The following PCMTD1 variants were observed in gnomAD, a reference collection of about 807,000 sequenced individuals.
The protein encoded by PCMTD1 is protein-L-isoaspartate (D-aspartate) O-methyltransferase domain containing 1, also known as protein-L-isoaspartate O-methyltransferase domain-containing protein 1.
In PCMTD1, 12 loss-of-function variants were observed where a neutral mutation model predicts 37.6. The observed-to-expected ratio is 0.32, with a 90% CI of 0.20 to 0.52. The LOEUF is 0.52. Ranked by LOEUF, PCMTD1 falls within the 20% of genes least tolerant of loss-of-function variation. PCMTD1 has a pLI of 0.97. For missense variants in PCMTD1, 235 were observed against 421.3 expected (o/e 0.56, Z 3.87); for synonymous variants, 117 against 135.8 (o/e 0.86, Z 0.96).
intron 1 of PCMTD1, among the ~76,000 whole-genome samples, chr8:51,877,276 A>G (rs1373631243): frequency 6.6e-6 from 1 of 152,218 alleles, no homozygotes; most frequent in Non-Finnish European, 1.5e-5. Flanking sequence ...ACTGGCTGCA[A>G]CAGGACCTTA....
chr8:51,834,896 C>A (rs1377279642), intron 3 of PCMTD1, among the ~76,000 whole-genome samples: 1 of 152,102 alleles, frequency 6.6e-6, no homozygotes. Flanking sequence ...TGTCCCTGTA[C>A]TATTGTCTTC....
intron 2 of PCMTD1, chr8:51,849,818 C>T: frequency 2.1e-6 from 1 of 480,168 alleles, no homozygotes. Flanking sequence ...TATGCAATAC[C>T]AATATTTTTT....
chr8:51,828,296 CA>C (rs1358884918), intron 5 of PCMTD1, among the ~76,000 whole-genome samples: 2 of 152,060 alleles, frequency 1.3e-5, no homozygotes, highest in African/African-American at 4.8e-5. Flanking sequence ...ACAAAATTAT[CA>C]TAAACTATAA....
chr8:51,855,483 C>G (rs973346666), intron 2 of PCMTD1, among the ~76,000 whole-genome samples: 1 of 144,460 alleles, frequency 6.9e-6, no homozygotes, highest in African/African-American at 2.5e-5. Flanking sequence ...CAGTGAGCTG[C>G]GATCGTGTCA....
rs749270088 is a variant in PCMTD1 at position 51,820,732 on chromosome 8, T to G, written c.707-14A>C. On this transcript the variant is annotated splice_polypyrimidine_tract_variant and intron_variant, in intron 5 of 5. Coordinates refer to ENST00000522514, the MANE Select transcript of PCMTD1 (RefSeq NM_052937.4). ...CAGCACAGGGAGCTAAAAACAAACA[T>G]AAAACGCAAGAAAGAAAATATTAAC... 6.4e-7 allele frequency: 1 copy of G among 1,570,816 alleles called. No homozygotes were observed. Among genetic ancestry groups the G allele is most frequent in the Admixed American group, 2.0e-5 (1 of 49,192 alleles).
intron 2 of PCMTD1, among the ~76,000 whole-genome samples, chr8:51,859,647 T>C (rs1227236161): frequency 6.6e-6 from 1 of 152,036 alleles, no homozygotes; most frequent in African/African-American, 2.4e-5. Flanking sequence ...GACCACATAA[T>C]TTATTGTCCA....
chr8:51,869,489 G>A (rs1004466756), intron 1 of PCMTD1, among the ~76,000 whole-genome samples: 6 of 151,944 alleles, frequency 3.9e-5, no homozygotes, highest in Non-Finnish European at 8.8e-5. Flanking sequence ...TTTCAGCATT[G>A]GTCAAATCTA....
At chr8:51,881,199 T>C (rs1341670031) in intron 1 of PCMTD1, among the ~76,000 whole-genome samples, 1 of 152,244 alleles carries the variant, frequency 6.6e-6, no homozygotes, top group East Asian at 1.9e-4. Flanking sequence ...CTCTTCTCCA[T>C]GGACTGTTTT....
intron 2 of PCMTD1, among the ~76,000 whole-genome samples, chr8:51,857,060 C>A (rs1215933259): frequency 6.6e-6 from 1 of 152,186 alleles, no homozygotes; most frequent in East Asian, 1.9e-4. Flanking sequence ...GCACTGAGGT[C>A]AAAGGCAATA....
intron 2 of PCMTD1, among the ~76,000 whole-genome samples, chr8:51,854,711 T>C (rs1257147076): frequency 1.3e-5 from 2 of 152,042 alleles, no homozygotes; most frequent in Non-Finnish European, 2.9e-5. Flanking sequence ...ACCCCGTCTC[T>C]ACTAAAAATA....
At chr8:51,870,034 C>A (rs550900054) in intron 1 of PCMTD1, among the ~76,000 whole-genome samples, 1 of 152,212 alleles carries the variant, frequency 6.6e-6, no homozygotes, top group Admixed American at 6.5e-5. Context: ...TTTAAGGATG[C>A]CTTCTGGAGG....
At chr8:51,843,533 T>TA (rs1175585144) in intron 3 of PCMTD1, among the ~76,000 whole-genome samples, 1 of 151,324 alleles carries the variant, frequency 6.6e-6, no homozygotes, top group Admixed American at 6.6e-5. Context: ...CAAACCTGGG[T>TA]AACACAGTAA....
chr8:51,840,546 T>G (rs2038132979), intron 3 of PCMTD1, among the ~76,000 whole-genome samples: 1 of 152,128 alleles, frequency 6.6e-6, no homozygotes, highest in Non-Finnish European at 1.5e-5. Flanking sequence ...TTGAGAAATA[T>G]TTTGGAATAA....
intron 3 of PCMTD1, among the ~76,000 whole-genome samples, chr8:51,843,404 G>GT (rs1432617271): frequency 6.6e-6 from 1 of 151,922 alleles, no homozygotes; most frequent in Admixed American, 6.6e-5. Context: ...AAAATAAGCT[G>GT]TAACAAACAC....
At chr8:51,834,735 C>T (rs150081603) in intron 3 of PCMTD1, among the ~76,000 whole-genome samples, 1 of 152,222 alleles carries the variant, frequency 6.6e-6, no homozygotes, top group East Asian at 1.9e-4. Context: ...ACTTATTACA[C>T]AATAAGTTTC....
At chr8:51,858,232 TCA>T (rs1463103494) in intron 2 of PCMTD1, among the ~76,000 whole-genome samples, 2 of 152,134 alleles carry the variant, frequency 1.3e-5, no homozygotes, top group African/African-American at 2.4e-5. Context: ...TGTTACCAAA[TCA>T]CAGATACCCC....
chr8:51,851,406 T>C (rs1029358381), intron 2 of PCMTD1, among the ~76,000 whole-genome samples: 3 of 152,238 alleles, frequency 2.0e-5, no homozygotes, highest in African/African-American at 4.8e-5. Context: ...AAGTAAACCA[T>C]ATCTCTAAAA....
At chr8:51,836,049 A>AT (rs1173901262) in intron 3 of PCMTD1, among the ~76,000 whole-genome samples, 13 of 152,242 alleles carry the variant, frequency 8.5e-5, no homozygotes, top group African/African-American at 1.9e-4. Context: ...ACTCGTGTCT[A>AT]TATCTAATGG....
chr8:51,863,598 C>G (rs1459886824), intron 1 of PCMTD1, among the ~76,000 whole-genome samples: 1 of 152,134 alleles, frequency 6.6e-6, no homozygotes. Context: ...ACCAGCCTGG[C>G]CAGCATGGCG....
Sources: allele counts gnomAD v4.1 joint callset (sites outside exome capture counted in the v4.1 genomes callset), GRCh38; gene constraint gnomAD v4.1.1; transcripts MANE v1.5; gene names NCBI Gene and HGNC (gene_info 2026-07-23, HGNC 2026-07-21).